SDK1: variants seen among roughly 807,000 people sequenced by gnomAD.
SDK1 encodes protein sidekick-1.
Under a neutral mutation model 245.5 loss-of-function variants are expected in SDK1, and 157 were observed. The ratio of observed to expected loss-of-function variants is 0.64; its 90% CI spans 0.56 to 0.73. The LOEUF is 0.73. Ranked by LOEUF, SDK1 falls within the 30% of genes least tolerant of loss-of-function variation. SDK1 has a pLI of 0.00. For missense variants in SDK1, 3,583 were observed against 3,002.3 expected (o/e 1.19, Z -4.52); for synonymous variants, 1,647 against 1,278.5 (o/e 1.29, Z -6.15).
At chr7:3,561,612 T>C (rs1178990857) in intron 1 of SDK1, among the ~76,000 whole-genome samples, 3 of 152,190 alleles carry the variant, frequency 2.0e-5, no homozygotes, top group African/African-American at 7.2e-5. Context: ...GCTCAGTAAA[T>C]AATTTCTGAA....
chr7:3,372,460 T>C (rs1268843797), intron 1 of SDK1, among the ~76,000 whole-genome samples: 2 of 152,160 alleles, frequency 1.3e-5, no homozygotes, highest in Admixed American at 6.5e-5. Context: ...TTAATCAAAA[T>C]GGAAAACCTC....
intron 1 of SDK1, among the ~76,000 whole-genome samples, chr7:3,328,239 C>T (rs1779982491): frequency 1.3e-5 from 2 of 151,986 alleles, no homozygotes; most frequent in Admixed American, 1.3e-4. Context: ...TCACTTTATC[C>T]AATCTGATTA....
At chr7:4,228,242 T>G (rs1325935396) in intron 40 of SDK1, among the ~76,000 whole-genome samples, 1 of 152,218 alleles carries the variant, frequency 6.6e-6, no homozygotes, top group Non-Finnish European at 1.5e-5. Flanking sequence ...CTTAGTGGTA[T>G]TTCTCCAATG....
chr7:3,589,435 C>T (rs1428637613), intron 1 of SDK1, among the ~76,000 whole-genome samples: 1 of 152,160 alleles, frequency 6.6e-6, no homozygotes, highest in Non-Finnish European at 1.5e-5. Flanking sequence ...CATGGCGCCT[C>T]CCCATGTCTT....
intron 35 of SDK1, 143 bp downstream of exon 35, chr7:4,178,729 G>C: frequency 1.6e-6 from 1 of 617,986 alleles, no homozygotes. Context: ...AGGTCTCCAC[G>C]CCACTGGCAG....
At chr7:3,607,512 A>G (rs1389129706) in intron 1 of SDK1, among the ~76,000 whole-genome samples, 3 of 152,184 alleles carry the variant, frequency 2.0e-5, no homozygotes, top group Non-Finnish European at 4.4e-5. Flanking sequence ...TTGTGTTCCC[A>G]TTTCATAGAC....
intron 14 of SDK1, among the ~76,000 whole-genome samples, chr7:4,010,022 G>A (rs1785809835): frequency 1.3e-5 from 2 of 152,230 alleles, no homozygotes; most frequent in African/African-American, 4.8e-5. Context: ...TGGAAAGCAT[G>A]TGCCACCTCT....
rs531066504 is a variant in SDK1 at position 4,056,006 on chromosome 7, T to C, written c.2911+4176T>C. Among the ~76,000 whole-genome samples the C allele has an allele frequency of 2.0e-5, 3 of 152,312 alleles. No individual in the cohort carries two copies. The South Asian group carries it at 6.2e-4, about 32-fold the overall frequency. Reference sequence around the variant, plus strand: ...TCAGAGAACACACTTCATATAATTTTAGTTATTTTATATTTGTTGAAGTTT... The same window carrying C: ...TCAGAGAACACACTTCATATAATTTCAGTTATTTTATATTTGTTGAAGTTT... On this transcript the variant is annotated intron_variant, in intron 19 of 44. Transcript: ENST00000404826.
intron 4 of SDK1, among the ~76,000 whole-genome samples, chr7:3,682,135 C>G (rs188200480): frequency 6.6e-6 from 1 of 152,158 alleles, no homozygotes; most frequent in Non-Finnish European, 1.5e-5. Flanking sequence ...AATTACACAT[C>G]AGCATTTACA....
intron 4 of SDK1, among the ~76,000 whole-genome samples, chr7:3,683,288 C>T (rs1784166486): frequency 6.6e-6 from 1 of 152,140 alleles, no homozygotes; most frequent in Non-Finnish European, 1.5e-5. Flanking sequence ...ATGCACTTGC[C>T]AAATACTTGC....
chr7:3,960,296 C>A (rs943902467), intron 8 of SDK1, among the ~76,000 whole-genome samples: 1 of 152,186 alleles, frequency 6.6e-6, no homozygotes, highest in African/African-American at 2.4e-5. Context: ...ATACTGGGTA[C>A]CTAACTTACC....
intron 4 of SDK1, among the ~76,000 whole-genome samples, chr7:3,698,329 C>T (rs187285497): frequency 5.8e-4 from 88 of 152,290 alleles, no homozygotes; most frequent in African/African-American, 1.8e-3. Flanking sequence ...TGTGTCTCCT[C>T]GGTGTGGTCA....
In SDK1 at chr7:3,401,705, A is replaced by G. The variant is rs181526026; in HGVS notation, c.298+99821A>G. Reference sequence around the variant, plus strand: ...CTGAGCCTTATTTTTTTTTTTTATTATGGAGATAATGCTACTGATGTGTAA... The same window carrying G: ...CTGAGCCTTATTTTTTTTTTTTATTGTGGAGATAATGCTACTGATGTGTAA... On this transcript the variant is annotated intron_variant, in intron 1 of 44. Transcript: ENST00000404826. 1.3e-3 allele frequency among the ~76,000 whole-genome samples: 190 copies of G among 151,048 alleles called. 4 individuals carry two copies. Among genetic ancestry groups the G allele is most frequent in the African/African-American group, 4.5e-3 (184 of 41,262 alleles).
intron 16 of SDK1, among the ~76,000 whole-genome samples, chr7:4,013,968 GC>G (rs1786184740): frequency 6.6e-6 from 1 of 152,238 alleles, no homozygotes; most frequent in African/African-American, 2.4e-5. Flanking sequence ...CCAGAAAACA[GC>G]CCCGTGTCCC....
intron 4 of SDK1, among the ~76,000 whole-genome samples, chr7:3,645,393 C>T (rs1782797968): frequency 6.6e-6 from 1 of 152,146 alleles, no homozygotes; most frequent in Non-Finnish European, 1.5e-5. Flanking sequence ...GTATTTTCCA[C>T]CTCATCATCA....
At chr7:3,316,241 A>C (rs1308463966) in intron 1 of SDK1, among the ~76,000 whole-genome samples, 2 of 152,202 alleles carry the variant, frequency 1.3e-5, no homozygotes, top group Admixed American at 6.5e-5. Context: ...CTGCATATAT[A>C]AGGGTCCTGA....
At chr7:3,845,190 G>C (rs189226133) in intron 5 of SDK1, among the ~76,000 whole-genome samples, 5 of 152,186 alleles carry the variant, frequency 3.3e-5, no homozygotes, top group Admixed American at 3.3e-4. Context: ...ATTGTAGGTT[G>C]TTAACCAAAC....
intron 4 of SDK1, among the ~76,000 whole-genome samples, chr7:3,762,265 T>C (rs1376134239): frequency 6.6e-6 from 1 of 152,162 alleles, no homozygotes; most frequent in Non-Finnish European, 1.5e-5. Context: ...TACTGGGTGT[T>C]CTGTGGGCAT....
chr7:4,241,219 T>C (rs763694341), intron 42 of SDK1, among the ~76,000 whole-genome samples: 3 of 152,264 alleles, frequency 2.0e-5, no homozygotes, highest in Non-Finnish European at 4.4e-5. Context: ...AAGGAAGCTC[T>C]GTACCCTTTC....
Sources: allele counts gnomAD v4.1 joint callset (sites outside exome capture counted in the v4.1 genomes callset), GRCh38; gene constraint gnomAD v4.1.1; transcripts MANE v1.5; gene names NCBI Gene and HGNC (gene_info 2026-07-23, HGNC 2026-07-21).